SLC12A1: variants seen among roughly 807,000 people sequenced by gnomAD.
SLC12A1 encodes the protein solute carrier family 12 member 1.
A neutral mutation model predicts 130.4 loss-of-function variants in SLC12A1; 89 were observed. That is an observed-to-expected ratio of 0.68 (90% CI 0.58 to 0.81). SLC12A1 has a LOEUF of 0.81. SLC12A1 is among the 40% of genes least tolerant of loss of function. The pLI is 0.00. For synonymous variants in SLC12A1, 499 were observed against 460.0 expected (o/e 1.08, Z -1.09); for missense variants, 1,310 against 1,336.4 (o/e 0.98, Z 0.31).
intron 20 of SLC12A1, 119 bp downstream of exon 20, chr15:48,274,772 A>T (rs182022925): frequency 1.6e-6 from 1 of 625,290 alleles, no homozygotes; most frequent in Admixed American, 2.7e-5. Context: ...TGGAGCTTAC[A>T]TTCTAGTGCT....
intron 17 of SLC12A1, among the ~76,000 whole-genome samples, chr15:48,260,289 G>C (rs541059541): frequency 6.6e-4 from 97 of 146,294 alleles, no homozygotes; most frequent in African/African-American, 2.4e-3. Context: ...TAATAATAAA[G>C]TCTAAGTCCT....
chr15:48,270,072 T>C (rs2041876454), intron 19 of SLC12A1, among the ~76,000 whole-genome samples: 1 of 152,108 alleles, frequency 6.6e-6, no homozygotes, highest in African/African-American at 2.4e-5. Context: ...CAAGGAGAAA[T>C]TTTTCTTTCA....
At chr15:48,290,070 A>G (rs6493320) in intron 23 of SLC12A1, among the ~76,000 whole-genome samples, 49,690 of 152,108 alleles carry the variant, frequency 0.33, 10,454 homozygotes, top group African/African-American at 0.58. Flanking sequence ...TTGTACAGCT[A>G]TGCAAAAGTG....
At chr15:48,246,034 G>A (rs2041576002) in intron 11 of SLC12A1, among the ~76,000 whole-genome samples, 2 of 152,188 alleles carry the variant, frequency 1.3e-5, no homozygotes, top group African/African-American at 2.4e-5. Context: ...GTGAGCAGAG[G>A]GAGAAGTAAA....
intron 16 of SLC12A1, 46 bp downstream of exon 16, chr15:48,255,956 G>A (rs1224345046): frequency 8.5e-7 from 1 of 1,176,254 alleles, no homozygotes; most frequent in Non-Finnish European, 1.2e-6. Context: ...CACCCTAGAA[G>A]TGGCTCTCCT....
chr15:48,284,091 C>T (rs2042034117), intron 20 of SLC12A1, among the ~76,000 whole-genome samples: 1 of 152,214 alleles, frequency 6.6e-6, no homozygotes, highest in Admixed American at 6.5e-5. Flanking sequence ...GGAAATTTTG[C>T]ACTGCTTGAC....
At chr15:48,211,232 T>A (rs1376396839) in intron 2 of SLC12A1, among the ~76,000 whole-genome samples, 2 of 152,182 alleles carry the variant, frequency 1.3e-5, no homozygotes, top group African/African-American at 4.8e-5. Flanking sequence ...AATGTGCACA[T>A]TTCTGCAGCC....
chr15:48,281,233 T>C (rs1365881820), intron 20 of SLC12A1, among the ~76,000 whole-genome samples: 1 of 152,204 alleles, frequency 6.6e-6, no homozygotes, highest in Non-Finnish European at 1.5e-5. Flanking sequence ...ACAGATTTGT[T>C]GTTTTGGATT....
Position 48,234,877 on chromosome 15 carries a change from C to T in SLC12A1, c.1088C>T (p.Ala363Val). The change falls in exon 9 of 27, where the codon GCA becomes GTA. Residue 363 changes from alanine to valine, a missense_variant and splice_region_variant. Transcript: ENST00000380993. ...KKSRGFFNYQ[A>V]SIFAENFGPR... ...AATTTTCTTATAATTTATGTTGCAG[C>T]ATCAATATTTGCAGAAAACTTTGGG... The T allele has an allele frequency of 6.2e-7, 1 of 1,613,624 alleles. No homozygotes were observed.
Position 48,301,196 on chromosome 15 carries a change from T to C in SLC12A1, c.3097-119T>C, listed in dbSNP as rs539795496. Reference sequence around the variant, plus strand: ...TAAGTTTCTAAGCCTGAAAAAGTAATTGTAATTTTTATACATTTTTTAAGA... The same window carrying C: ...TAAGTTTCTAAGCCTGAAAAAGTAACTGTAATTTTTATACATTTTTTAAGA... On this transcript the variant is annotated intron_variant, in intron 25 of 26. Coordinates refer to ENST00000380993, the MANE Select transcript of SLC12A1 (RefSeq NM_000338.3). 46 of 750,244 alleles carry C rather than the reference T, an allele frequency of 6.1e-5. No homozygotes were observed. In the Middle Eastern group the frequency reaches 1.4e-3, roughly 23 times the overall value. 46.5% of individuals were successfully genotyped at this position (750,244 alleles called of 1,614,324 possible).
chr15:48,274,726 A>G, intron 20 of SLC12A1, 73 bp downstream of exon 20: 2 of 963,304 alleles, frequency 2.1e-6, no homozygotes, highest in African/African-American at 1.6e-5. Flanking sequence ...GTTATGGGAT[A>G]CAGCAGGGCA....
At chr15:48,249,787 T>A in intron 14 of SLC12A1, 111 bp downstream of exon 14, 1 of 779,176 alleles carries the variant, frequency 1.3e-6, no homozygotes, top group Non-Finnish European at 2.2e-6. Flanking sequence ...TTTCCTTATA[T>A]CCTAGTGGGA....
chr15:48,260,348 T>TCACACACA (rs10673427), intron 17 of SLC12A1, among the ~76,000 whole-genome samples: 3,375 of 144,400 alleles, frequency 0.023, 73 homozygotes, highest in Non-Finnish European at 0.031. Context: ...TCTCTCTCTA[T>TCACACACA]CACACACACA....
chr15:48,246,531 A>G (rs1182085342), intron 11 of SLC12A1, among the ~76,000 whole-genome samples: 2 of 152,236 alleles, frequency 1.3e-5, no homozygotes, highest in Non-Finnish European at 2.9e-5. Context: ...CTATAATCCC[A>G]GCCCTTTGAG....
intron 23 of SLC12A1, among the ~76,000 whole-genome samples, chr15:48,288,790 C>T (rs2042086914): frequency 6.6e-6 from 1 of 152,122 alleles, no homozygotes; most frequent in African/African-American, 2.4e-5. Context: ...GTGGGAGCTT[C>T]GTTATCTCAT....
chr15:48,284,359 G>A (rs769702780), intron 20 of SLC12A1, among the ~76,000 whole-genome samples: 1 of 152,160 alleles, frequency 6.6e-6, no homozygotes, highest in Non-Finnish European at 1.5e-5. Context: ...AAGCATTGTT[G>A]TGTGGCTGAT....
chr15:48,225,287 T>A (rs2041270016), intron 4 of SLC12A1: 1 of 152,204 alleles, frequency 6.6e-6, no homozygotes, highest in South Asian at 2.1e-4. Context: ...TAATTTGCTA[T>A]ACTGTATGTA....
intron 9 of SLC12A1, 23 bp from the exon 10 acceptor site, chr15:48,241,492 A>C: frequency 6.5e-7 from 1 of 1,545,454 alleles, no homozygotes; most frequent in Non-Finnish European, 8.9e-7. Context: ...GTATTCTTCT[A>C]CCTCCACATT....
chr15:48,245,839 C>T (rs549236705), intron 11 of SLC12A1, among the ~76,000 whole-genome samples: 1 of 152,304 alleles, frequency 6.6e-6, no homozygotes, highest in South Asian at 2.1e-4. Context: ...GTTGAGAAAT[C>T]TTGGAATGCA....
Sources: gnomAD v4.1 joint callset for allele counts (sites outside exome capture counted in the v4.1 genomes callset) on GRCh38, gnomAD v4.1.1 for gene constraint, MANE v1.5 for transcripts, NCBI Gene and HGNC (gene_info 2026-07-23, HGNC 2026-07-21) for gene names.